CDC45: variants seen among roughly 807,000 people sequenced by gnomAD.
The protein encoded by CDC45 is cell division cycle 45.
In CDC45, 54 loss-of-function variants were observed where a neutral mutation model predicts 77.8. The ratio of observed to expected loss-of-function variants is 0.69; its 90% confidence interval spans 0.56 to 0.87. The LOEUF (loss-of-function observed/expected upper bound fraction) is 0.87. CDC45 is among the 40% of genes least tolerant of loss of function. CDC45 has a pLI of 0.00. For missense variants in CDC45, 649 were observed against 721.6 expected, an observed-to-expected ratio of 0.90 and a Z score of 1.15; for synonymous variants, 260 against 272.1, an observed-to-expected ratio of 0.96 and a Z score of 0.44.
intron 3 of CDC45, among the ~76,000 whole-genome samples, chr22:19,481,587 G>T (rs2089984051): frequency 6.6e-6 from 1 of 151,856 alleles, no homozygotes; most frequent in Non-Finnish European, 1.5e-5. Flanking sequence ...CACCATGTTA[G>T]TCAGGATGGT....
At chr22:19,482,970 C>CTTTTT in intron 4 of CDC45, 143 bp downstream of exon 4, 2 of 523,252 alleles carry the variant, frequency 3.8e-6, no homozygotes, top group Non-Finnish European at 3.4e-6. Context: ...TCTTTGTCAT[C>CTTTTT]TTTTTTTTTT....
chr22:19,479,796 T>C (rs908251925), upstream of CDC45: 5 of 696,844 alleles, frequency 7.2e-6, no homozygotes, highest in Non-Finnish European at 1.3e-5. Context: ...GGCAGAGCGC[T>C]AATGGCCGCC....
At chr22:19,481,714 C>T (rs1383372023) in intron 3 of CDC45, among the ~76,000 whole-genome samples, 1 of 152,148 alleles carries the variant, frequency 6.6e-6, no homozygotes, top group South Asian at 2.1e-4. Flanking sequence ...CTTTGTCACT[C>T]AGGCTGGAGT....
upstream of CDC45, chr22:19,479,786 G>T: frequency 1.5e-6 from 1 of 672,520 alleles, no homozygotes; most frequent in South Asian, 1.7e-5. Flanking sequence ...GGCCGTGAAT[G>T]GCAGAGCGCT....
At position 19,480,151 on chromosome 22, in the gene CDC45, C is replaced by T; in HGVS notation, c.52-7C>T. The T allele has an allele frequency of 6.2e-7, 1 of 1,614,030 alleles. No individual in the cohort carries two copies. The highest frequency in any genetic ancestry group is 1.1e-5 in the South Asian group (1 of 91,084). ...CCGTGTTCAGCCGGTCTGCTCTTCC[C>T]CGATAGAGGGTCCTTCTCTTCGTGG... On this transcript the variant is annotated splice_polypyrimidine_tract_variant and splice_region_variant and intron_variant, in intron 1 of 18. Coordinates refer to ENST00000263201, the MANE Select transcript of CDC45 (RefSeq NM_003504.5).
intron 3 of CDC45, 61 bp from the exon 4 acceptor site, chr22:19,482,629 G>A: frequency 6.4e-7 from 1 of 1,551,824 alleles, no homozygotes; most frequent in Admixed American, 1.7e-5. Flanking sequence ...CAGAGGCTTA[G>A]TGATGAAGGA....
chr22:19,508,421 GA>G (rs772943919), intron 12 of CDC45, 108 bp from the exon 13 acceptor site: 1 of 1,132,822 alleles, frequency 8.8e-7, no homozygotes, highest in Non-Finnish European at 1.3e-6. Flanking sequence ...GGCTGTGCTG[GA>G]AGCATTGACT....
chr22:19,504,623 G>A (rs1398921951), intron 9 of CDC45, among the ~76,000 whole-genome samples: 2 of 152,038 alleles, frequency 1.3e-5, no homozygotes, highest in Admixed American at 6.6e-5. Flanking sequence ...TAAGGGGACT[G>A]GAGGGTGAGG....
At chr22:19,492,402 C>CTA (rs750839407) in intron 5 of CDC45, among the ~76,000 whole-genome samples, 39 of 151,754 alleles carry the variant, frequency 2.6e-4, no homozygotes, top group East Asian at 9.7e-4. Context: ...AAACTTTCTT[C>CTA]TATATATATA....
chr22:19,485,629 A>G (rs755119230), intron 5 of CDC45, among the ~76,000 whole-genome samples: 2 of 152,254 alleles, frequency 1.3e-5, no homozygotes, highest in Non-Finnish European at 2.9e-5. Flanking sequence ...TTCCTTTTAC[A>G]TACTTAACAC....
chr22:19,491,346 C>T (rs1004783480), intron 5 of CDC45, among the ~76,000 whole-genome samples: 19 of 151,420 alleles, frequency 1.3e-4, no homozygotes, highest in Admixed American at 9.2e-4. Context: ...CATTTCCTTT[C>T]TATTTAAGAG....
At chr22:19,492,454 G>A (rs1321951208) in intron 5 of CDC45, among the ~76,000 whole-genome samples, 1 of 151,750 alleles carries the variant, frequency 6.6e-6, no homozygotes, top group Non-Finnish European at 1.5e-5. Flanking sequence ...TAGAACACTT[G>A]TCTCTTCTTT....
intron 17 of CDC45, 118 bp from the exon 18 acceptor site, chr22:19,518,726 C>G: frequency 1.3e-6 from 1 of 777,764 alleles, no homozygotes; most frequent in South Asian, 1.5e-5. Context: ...TACCACAGGC[C>G]GGGAGGAGCC....
intron 1 of CDC45, 68 bp from the exon 2 acceptor site, chr22:19,480,090 T>C: frequency 6.2e-7 from 1 of 1,611,964 alleles, no homozygotes; most frequent in South Asian, 1.1e-5. Flanking sequence ...CGACCGTGGG[T>C]GACCGGGAGG....
rs769109886 is a variant in CDC45, at chr22:19,514,846, G to A, written c.1315G>A (p.Val439Ile). The part of the protein sequence containing the change: ...TIASCLCTNL[V>I]ISQGPFLYCS... ...TGCCAGCTGCCTTTGCACCAACCTC[G>A]TCATCTCCCAGGGGCCTTTCCTGTA... The change falls in exon 14 of 19, where the codon GTC becomes ATC. Residue 439 changes from valine (V) to isoleucine (I), a missense_variant. Physicochemically the swap from Val to Ile is conservative, Grantham distance 29 (BLOSUM62 3). Coordinates refer to ENST00000263201, the MANE Select transcript of CDC45 (RefSeq NM_003504.5). The A allele has an allele frequency of 5.1e-5, 82 of 1,614,028 alleles. No individual in the cohort carries two copies. The highest frequency in any genetic ancestry group is 3.3e-4 in the Middle Eastern group (2 of 6,084).
At chr22:19,519,194 C>G (rs13447292) in intron 18 of CDC45, among the ~76,000 whole-genome samples, 1 of 152,216 alleles carries the variant, frequency 6.6e-6, no homozygotes, top group Non-Finnish European at 1.5e-5. Flanking sequence ...CTGGGCATCG[C>G]GTGTGACACA....
intron 5 of CDC45, among the ~76,000 whole-genome samples, chr22:19,490,074 G>C (rs2090131335): frequency 6.6e-6 from 1 of 152,200 alleles, no homozygotes; most frequent in African/African-American, 2.4e-5. Flanking sequence ...TGATTTATCT[G>C]ATATTAATAT....
At chr22:19,485,300 G>C (rs1370231910) in intron 5 of CDC45, among the ~76,000 whole-genome samples, 6 of 152,214 alleles carry the variant, frequency 3.9e-5, no homozygotes, top group Admixed American at 3.9e-4. Context: ...CCAGGTACCA[G>C]TTAGGCCCTG....
At chr22:19,507,985 CA>C (rs200390842) in intron 12 of CDC45, 121 bp downstream of exon 12, 24 of 643,346 alleles carry the variant, frequency 3.7e-5, no homozygotes, top group East Asian at 8.6e-5. Context: ...TAAAATAATG[CA>C]AAAAAAACAA....
Sources: gnomAD v4.1 joint callset for allele counts (sites outside exome capture counted in the v4.1 genomes callset) on GRCh38, gnomAD v4.1.1 for gene constraint, MANE v1.5 for transcripts, NCBI Gene and HGNC (gene_info 2026-07-23, HGNC 2026-07-21) for gene names.